The following VLDLR variants were observed in gnomAD, a reference collection of about 807,000 sequenced individuals.
VLDLR encodes very low-density lipoprotein receptor.
A neutral mutation model predicts 112.7 loss-of-function variants in VLDLR; 81 were observed. That is an observed-to-expected ratio of 0.72 (90% CI 0.60 to 0.86). The LOEUF (loss-of-function observed/expected upper bound fraction) is 0.86. Ranked by LOEUF, VLDLR falls within the 40% of genes least tolerant of loss-of-function variation. The probability of loss-of-function intolerance (pLI) is 0.00; values close to 1 mark genes in which losing one functional copy is unlikely to be tolerated. For missense variants in VLDLR, 1,237 were observed against 1,099.4 expected, an observed-to-expected ratio of 1.13 and a Z score of -1.77; for synonymous variants, 436 against 384.8, an observed-to-expected ratio of 1.13 and a Z score of -1.56.
At position 2,652,822 on chromosome 9, in the gene VLDLR, G is replaced by A. The variant is rs775603429; in HGVS notation, c.2459G>A (p.Arg820Gln). 24 of 1,613,844 alleles carry A rather than the reference G, an allele frequency of 1.5e-5. No individual in the cohort carries two copies. The highest frequency in any genetic ancestry group is 8.0e-5 in the African/African-American group (6 of 74,838). The change falls in exon 18 of 19, where the codon CGG becomes CAG. Residue 820 changes from arginine (R) to glutamine (Q), a missense_variant. Arg to Gln is a conservative substitution (Grantham distance 43, BLOSUM62 1). Transcript: ENST00000382100. ...MAAVGGYLMW[R>Q]NWQHKNMKSM... ...GCAGTAGGTGGCTACTTGATGTGGC[G>A]GAATTGGCAACACAAGAACATGAAA...
chr9:2,645,349 CTTATTCA>C (rs1818022204), intron 9 of VLDLR, among the ~76,000 whole-genome samples: 2 of 152,186 alleles, frequency 1.3e-5, no homozygotes, highest in Non-Finnish European at 2.9e-5. Flanking sequence ...AAACAAGTGA[CTTATTCA>C]TCACTCACCC....
chr9:2,659,123 A>C lies in VLDLR; in HGVS notation c.*5255A>C, dbSNP rs1468915849. On this transcript the variant is annotated 3_prime_UTR_variant, in exon 19 of 19. Transcript: ENST00000382100. ...CATATGCTTACTTTTGTACTAAGTAAGTGCTCCCAAGTCTTTTACTTGCTC... is the reference window on the plus strand; with the variant it reads ...CATATGCTTACTTTTGTACTAAGTACGTGCTCCCAAGTCTTTTACTTGCTC... 19 of 152,218 alleles carry C rather than the reference A, an allele frequency of 1.2e-4. No homozygotes were observed. Among genetic ancestry groups the C allele is most frequent in the Admixed American group, 1.2e-3 (19 of 15,270 alleles). 9.4% of individuals were successfully genotyped at this position (152,218 alleles called of 1,614,324 possible). A position where few individuals can be genotyped will look rare whatever the true frequency, so the allele number is the denominator to read the frequency against.
chr9:2,632,975 G>C (rs1214129066), intron 1 of VLDLR, among the ~76,000 whole-genome samples: 1 of 149,438 alleles, frequency 6.7e-6, no homozygotes, highest in African/African-American at 2.5e-5. Context: ...CTTTTAAACA[G>C]GCAGGGACAT....
At chr9:2,652,021 A>G (rs1818373704) in intron 17 of VLDLR, 67 bp downstream of exon 17, 2 of 1,487,450 alleles carry the variant, frequency 1.3e-6, no homozygotes, top group South Asian at 1.1e-5. Context: ...TTTTTTGTTC[A>G]TCTGGAGCTA....
chr9:2,652,263 C>G (rs949545589), intron 17 of VLDLR, among the ~76,000 whole-genome samples: 1 of 152,114 alleles, frequency 6.6e-6, no homozygotes, highest in Non-Finnish European at 1.5e-5. Context: ...TGTTCTGTTC[C>G]CCCTTTGAAA....
Position 2,655,967 on chromosome 9 carries a change from C to G in VLDLR, c.*2099C>G, listed in dbSNP as rs1033705673. On this transcript the variant is annotated 3_prime_UTR_variant, in exon 19 of 19. Transcript: ENST00000382100. ...AAAACATGGATTTTTTTTTTTTTAACTGGAGTAATACCAAATTCCCTTTAG... is the reference window on the plus strand; with the variant it reads ...AAAACATGGATTTTTTTTTTTTTAAGTGGAGTAATACCAAATTCCCTTTAG... 1 of 151,034 alleles carries G rather than the reference C, an allele frequency of 6.6e-6. No homozygotes were observed. The highest frequency in any genetic ancestry group is 1.5e-5 in the Non-Finnish European group (1 of 67,806). 9.4% of individuals were successfully genotyped at this position (151,034 alleles called of 1,614,324 possible).
At chr9:2,641,087 A>G (rs1311040772) in intron 3 of VLDLR, among the ~76,000 whole-genome samples, 1 of 152,202 alleles carries the variant, frequency 6.6e-6, no homozygotes, top group Admixed American at 6.5e-5. Flanking sequence ...AGGCCAGCCA[A>G]TAAACTTCAC....
At chr9:2,628,434 AGC>A (rs1817193708) in intron 1 of VLDLR, among the ~76,000 whole-genome samples, 1 of 152,224 alleles carries the variant, frequency 6.6e-6, no homozygotes, top group Non-Finnish European at 1.5e-5. Flanking sequence ...TTGAGCTGTT[AGC>A]TCAGCCCGTA....
intron 1 of VLDLR, among the ~76,000 whole-genome samples, chr9:2,630,521 AGAGACACTT>A (rs1011135836): frequency 5.3e-5 from 8 of 152,216 alleles, no homozygotes; most frequent in Admixed American, 1.3e-4. Flanking sequence ...CCTGGTACCC[AGAGACACTT>A]TCTCTATATT....
rs1415296692 is a variant in VLDLR at position 2,645,745 on chromosome 9, G to T, written c.1484G>T (p.Ser495Ile). 2.5e-6 allele frequency: 4 copies of T among 1,614,124 alleles called. No homozygotes were observed. The highest frequency in any genetic ancestry group is 3.4e-6 in the Non-Finnish European group (4 of 1,180,024). The change falls in exon 10 of 19, where the codon AGT (serine) becomes ATT (isoleucine). Residue 495 changes from serine (S) to isoleucine (I), a missense_variant and splice_region_variant. Coordinates refer to ENST00000382100, the MANE Select transcript of VLDLR (RefSeq NM_003383.5). The stretch of plus-strand genomic sequence containing the variant: ...GATCTAAGCCAAAAGGCTATCTTCA[G>T]GTAACTTTCAGTTCCTTTTGTGGTG... The part of the protein sequence containing the change: ...WADLSQKAIF[S>I]ASIDDKVGRH...
chr9:2,651,884 G>C lies in VLDLR; in HGVS notation c.2346G>C (p.Val782=), dbSNP rs1818366569. The change falls in exon 17 of 19, where the codon GTG becomes GTC. Residue 782 remains valine (V), a synonymous_variant. Transcript: ENST00000382100. ...TTTATTCCTCTGTAGGGATCAATGTGACCACAGCAGTATCAGAGGTCAGTG... is the reference window on the plus strand; with the variant it reads ...TTTATTCCTCTGTAGGGATCAATGTCACCACAGCAGTATCAGAGGTCAGTG... ...TSGLVPGGIN[V]TTAVSEVSVP... 3.1e-6 allele frequency: 5 copies of C among 1,613,936 alleles called. No homozygotes were observed. The highest frequency in any genetic ancestry group is 2.7e-5 in the African/African-American group (2 of 74,924).
intron 1 of VLDLR, among the ~76,000 whole-genome samples, chr9:2,633,025 C>T: frequency 7.2e-6 from 1 of 138,012 alleles, no homozygotes; most frequent in African/African-American, 2.9e-5. Context: ...GTTGCTACTC[C>T]TTATTGGAGA....
rs951889021 is a variant in VLDLR, at chr9:2,654,036, G to C, written c.*168G>C. ...ACTTGACCGTTTTTATATTACTTTT[G>C]TAAATATTCTTGTCCACATTCTACT... is the stretch of plus-strand genomic sequence containing the variant. On this transcript the variant is annotated 3_prime_UTR_variant, in exon 19 of 19. Coordinates refer to ENST00000382100, the MANE Select transcript of VLDLR (RefSeq NM_003383.5). The C allele has an allele frequency of 7.6e-6, 5 of 658,370 alleles. No individual in the cohort carries two copies. Among genetic ancestry groups the C allele is most frequent in the African/African-American group, 1.8e-5 (1 of 55,024 alleles). The allele number at this position is 658,370 out of a possible 1,614,324, so 40.8% of individuals were successfully genotyped here.
intron 7 of VLDLR, among the ~76,000 whole-genome samples, chr9:2,644,508 T>A (rs1391616351): frequency 6.6e-6 from 1 of 151,900 alleles, no homozygotes. Flanking sequence ...AGATAACTGA[T>A]CATCAATAGA....
chr9:2,629,113 G>A (rs1376574688), intron 1 of VLDLR, among the ~76,000 whole-genome samples: 1 of 152,180 alleles, frequency 6.6e-6, no homozygotes, highest in Admixed American at 6.5e-5. Context: ...GCAAACTTAG[G>A]CCCTGTTCTA....
chr9:2,645,791 A>C, intron 10 of VLDLR, 46 bp downstream of exon 10: 2 of 1,611,222 alleles, frequency 1.2e-6, no homozygotes, highest in Non-Finnish European at 1.7e-6. Context: ...AGTCATTGTC[A>C]CTTGGGAAGT....
chr9:2,624,497 C>T (rs1450985624), intron 1 of VLDLR, among the ~76,000 whole-genome samples: 2 of 152,198 alleles, frequency 1.3e-5, no homozygotes, highest in Non-Finnish European at 2.9e-5. Flanking sequence ...TGCACAATTC[C>T]TGGGGGTTCT....
At chr9:2,633,502 A>G (rs1817461216) in intron 1 of VLDLR, among the ~76,000 whole-genome samples, 1 of 151,996 alleles carries the variant, frequency 6.6e-6, no homozygotes, top group Non-Finnish European at 1.5e-5. Context: ...ATTGACATTG[A>G]CCTTTAAGTT....
At chr9:2,641,741 A>C (rs1817836249) in intron 4 of VLDLR, among the ~76,000 whole-genome samples, 1 of 152,168 alleles carries the variant, frequency 6.6e-6, no homozygotes, top group Non-Finnish European at 1.5e-5. Flanking sequence ...TAAGTCATTC[A>C]AGGCACTTAT....
Sources: gnomAD v4.1 joint callset for allele counts (sites outside exome capture counted in the v4.1 genomes callset) on GRCh38, gnomAD v4.1.1 for gene constraint, MANE v1.5 for transcripts, NCBI Gene and HGNC (gene_info 2026-07-23, HGNC 2026-07-21) for gene names.